The following RDX variants were observed in gnomAD, a reference collection of about 807,000 sequenced individuals.
RDX encodes the protein radixin.
In RDX, 32 loss-of-function variants were observed where a neutral mutation model predicts 83.7. The ratio of observed to expected loss-of-function variants is 0.38; its 90% CI spans 0.29 to 0.51. The LOEUF (loss-of-function observed/expected upper bound fraction) is 0.51, where lower values mean the gene tolerates loss of function less well. Among genes scored for constraint, RDX ranks in the 20% least tolerant of loss-of-function variants. RDX has a pLI of 0.87. For synonymous variants in RDX, 229 were observed against 222.7 expected, an observed-to-expected ratio of 1.03 and a Z score of -0.25; for missense variants, 600 against 689.9, an observed-to-expected ratio of 0.87 and a Z score of 1.46.
chr11:110,185,302 T>C (rs1862965091), intron 15 of RDX: 1 of 150,124 alleles, frequency 6.7e-6, no homozygotes, highest in Admixed American at 6.6e-5. Context: ...GAATTACTCA[T>C]GCTGACCGAG....
At chr11:110,293,293 G>C (rs1861318311) in intron 1 of RDX, among the ~76,000 whole-genome samples, 1 of 152,208 alleles carries the variant, frequency 6.6e-6, no homozygotes, top group Admixed American at 6.5e-5. Flanking sequence ...GAAAGGGGCT[G>C]GGGTGTTCCA....
intron 5 of RDX, chr11:110,263,225 G>C (rs945986026): frequency 1.3e-5 from 2 of 151,714 alleles, no homozygotes; most frequent in Non-Finnish European, 2.9e-5. Context: ...ATCTCAGCGA[G>C]CTGAGATTGC....
intron 15 of RDX, chr11:110,175,278 C>A (rs1236876668): frequency 2.6e-5 from 4 of 152,204 alleles, no homozygotes; most frequent in Admixed American, 6.5e-5. Flanking sequence ...TGTTTCCAAT[C>A]ATGCTCAGGG....
chr11:110,220,081 T>A (rs146820566), intron 14 of RDX, among the ~76,000 whole-genome samples: 38 of 152,286 alleles, frequency 2.5e-4, no homozygotes, highest in African/African-American at 9.1e-4. Context: ...GAGCATGTCT[T>A]TCTTATCTCC....
At chr11:110,268,403 A>G (rs1860148319) in intron 3 of RDX, among the ~76,000 whole-genome samples, 1 of 152,200 alleles carries the variant, frequency 6.6e-6, no homozygotes, top group Non-Finnish European at 1.5e-5. Flanking sequence ...GATCAATGTC[A>G]AACAATGAAA....
chr11:110,183,903 A>G (rs1311643271), intron 15 of RDX, among the ~76,000 whole-genome samples: 1 of 152,198 alleles, frequency 6.6e-6, no homozygotes, highest in East Asian at 1.9e-4. Flanking sequence ...CCACGCTGCT[A>G]TCGATGCTTA....
intron 10 of RDX, among the ~76,000 whole-genome samples, chr11:110,242,141 G>A (rs914289014): frequency 6.6e-6 from 1 of 152,110 alleles, no homozygotes; most frequent in Non-Finnish European, 1.5e-5. Context: ...TTGCATCAGT[G>A]AACTACATTA....
At chr11:110,271,040 A>G (rs1373500209) in intron 3 of RDX, among the ~76,000 whole-genome samples, 1 of 152,224 alleles carries the variant, frequency 6.6e-6, no homozygotes, top group Non-Finnish European at 1.5e-5. Context: ...AAAAAAGTGG[A>G]GATTGGTTCA....
At chr11:110,205,545 G>T (rs1863572381) in intron 14 of RDX, among the ~76,000 whole-genome samples, 1 of 147,638 alleles carries the variant, frequency 6.8e-6, no homozygotes, top group Admixed American at 6.8e-5. Flanking sequence ...ACAATGGAAA[G>T]AAATTATCTG....
At chr11:110,209,263 A>C (rs1428343658) in intron 14 of RDX, among the ~76,000 whole-genome samples, 1 of 151,324 alleles carries the variant, frequency 6.6e-6, no homozygotes, top group Non-Finnish European at 1.5e-5. Flanking sequence ...TCCCACCCGA[A>C]TACTGCGCTT....
intron 14 of RDX, among the ~76,000 whole-genome samples, chr11:110,223,481 T>C (rs1289588055): frequency 1.3e-5 from 2 of 152,048 alleles, no homozygotes; most frequent in Non-Finnish European, 2.9e-5. Flanking sequence ...TGCACCAAAA[T>C]CGCACCACTG....
chr11:110,195,292 G>A (rs2134230364), intron 15 of RDX, among the ~76,000 whole-genome samples: 1 of 152,278 alleles, frequency 6.6e-6, no homozygotes, highest in East Asian at 1.9e-4. Context: ...GCTGACTCAT[G>A]TCACAAACTG....
chr11:110,209,261 G>C (rs969535820), intron 14 of RDX, among the ~76,000 whole-genome samples: 1 of 151,900 alleles, frequency 6.6e-6, no homozygotes, highest in African/African-American at 2.4e-5. Context: ...ACTCCCACCC[G>C]AATACTGCGC....
rs201031650 is a variant in RDX at position 110,255,294 on chromosome 11, C to G, written c.790G>C (p.Ala264Pro). The change falls in exon 8 of 14, where the codon GCA becomes CCA. Residue 264 changes from alanine (A) to proline (P), a missense_variant. Ala to Pro is a conservative substitution (Grantham distance 27, BLOSUM62 -1). Transcript: ENST00000645495. Reference sequence around the variant, plus strand: ...ATATTAAAGAAATTACTTACAGGTGCCTTTTTGTCGATTGGCTTTATAACA... The same window carrying G: ...ATATTAAAGAAATTACTTACAGGTGGCTTTTTGTCGATTGGCTTTATAACA... ...KFVIKPIDKK[A>P]PDFVFYAPRL... 1.6e-4 allele frequency: 243 copies of G among 1,521,524 alleles called. 2 individuals carry two copies. The highest frequency in any genetic ancestry group is 1.5e-3 in the South Asian group (132 of 88,980). The allele number at this position is 1,521,524 out of a possible 1,614,324, so 94.3% of individuals were successfully genotyped here.
Position 110,257,632 on chromosome 11 carries a change from T to C in RDX, c.698+135A>G, listed in dbSNP as rs370816458. On this transcript the variant is annotated intron_variant, in intron 7 of 13. Transcript: ENST00000645495. ...GGTAAAATATCTACAAGTCTATGTG[T>C]CATTAATTCATCTTTTAGTTTGAAA... is the stretch of plus-strand genomic sequence containing the variant. 3.6e-5 allele frequency: 32 copies of C among 880,230 alleles called. No individual in the cohort carries two copies. The East Asian group carries it at 5.1e-4, about 14-fold the overall frequency. The allele number at this position is 880,230 out of a possible 1,614,324, so 54.5% of individuals were successfully genotyped here. A position where few individuals can be genotyped will look rare whatever the true frequency, so the allele number is the denominator to read the frequency against.
At chr11:110,219,441 AC>A (rs1864171045) in intron 14 of RDX, among the ~76,000 whole-genome samples, 1 of 152,240 alleles carries the variant, frequency 6.6e-6, no homozygotes, top group Non-Finnish European at 1.5e-5. Context: ...GGTCTGACTT[AC>A]CTGTTGTAAG....
intron 15 of RDX, among the ~76,000 whole-genome samples, chr11:110,191,384 GA>G (rs1863100734): frequency 1.3e-5 from 2 of 152,166 alleles, no homozygotes; most frequent in South Asian, 4.1e-4. Flanking sequence ...ATCCCTTCGG[GA>G]TAAAAACCTT....
chr11:110,291,022 C>G (rs1199185116), intron 1 of RDX, among the ~76,000 whole-genome samples: 1 of 151,940 alleles, frequency 6.6e-6, no homozygotes, highest in African/African-American at 2.4e-5. Context: ...AAAAAAGGAC[C>G]GAAGACATGT....
intron 9 of RDX, among the ~76,000 whole-genome samples, chr11:110,253,300 A>C (rs930060822): frequency 2.0e-5 from 3 of 152,170 alleles, no homozygotes; most frequent in African/African-American, 7.2e-5. Context: ...AATAAAGGTT[A>C]ACTTTAGTTT....
Sources: gnomAD v4.1 joint callset for allele counts (sites outside exome capture counted in the v4.1 genomes callset) on GRCh38, gnomAD v4.1.1 for gene constraint, MANE v1.5 for transcripts, NCBI Gene and HGNC (gene_info 2026-07-23, HGNC 2026-07-21) for gene names.